SPIDR: variants seen among roughly 807,000 people sequenced by gnomAD.
SPIDR encodes scaffold protein involved in DNA repair.
Under a neutral mutation model 104.6 loss-of-function variants are expected in SPIDR, and 93 were observed. That is an observed-to-expected ratio of 0.89 (90% CI 0.75 to 1.06). The LOEUF is 1.06. Ranked by LOEUF, SPIDR falls within the 50% of genes least tolerant of loss-of-function variation. The pLI, the probability that SPIDR is intolerant of heterozygous loss-of-function variation, is 0.00. For synonymous variants in SPIDR, 431 were observed against 416.9 expected, an observed-to-expected ratio of 1.03 and a Z score of -0.41; for missense variants, 1,154 against 1,111.2, an observed-to-expected ratio of 1.04 and a Z score of -0.55.
chr8:47,428,962 C>A (rs1307243593), intron 7 of SPIDR, among the ~76,000 whole-genome samples: 1 of 152,172 alleles, frequency 6.6e-6, no homozygotes, highest in Non-Finnish European at 1.5e-5. Flanking sequence ...TCTGTTATAT[C>A]CTTACCCACG....
chr8:47,728,129 G>GA lies in SPIDR; in HGVS notation c.2436-794dup, dbSNP rs1008975168. Among the ~76,000 whole-genome samples the GA allele has an allele frequency of 2.6e-4, 36 of 139,710 alleles. No individual in the cohort carries two copies. In the East Asian group the frequency reaches 4.6e-3, roughly 18 times the overall value. 91.7% of individuals were successfully genotyped at this position (139,710 alleles called of 152,430 possible). On this transcript the variant is annotated intron_variant, in intron 17 of 19. Coordinates refer to ENST00000297423, the MANE Select transcript of SPIDR (RefSeq NM_001080394.4). Reference sequence around the variant, plus strand: ...AGACTCTGTCTCAAAAAGAAAAAGAGAAAAAAAAAAGCAAAGATCGGCCAG... The same window carrying GA: ...AGACTCTGTCTCAAAAAGAAAAAGAGAAAAAAAAAAAGCAAAGATCGGCCAG...
At chr8:47,456,811 A>AGGAT (rs1335275945) in intron 8 of SPIDR, among the ~76,000 whole-genome samples, 1 of 151,834 alleles carries the variant, frequency 6.6e-6, no homozygotes, top group Non-Finnish European at 1.5e-5. Context: ...ACGCCTTTGC[A>AGGAT]TCCTCATAGC....
chr8:47,422,232 C>T (rs2065625458), intron 7 of SPIDR, among the ~76,000 whole-genome samples: 1 of 152,206 alleles, frequency 6.6e-6, no homozygotes, highest in Non-Finnish European at 1.5e-5. Flanking sequence ...GCAGGCAGGC[C>T]TCCTTGAGCT....
Position 47,606,017 on chromosome 8 carries a change from C to G in SPIDR, c.1544+6821C>G, listed in dbSNP as rs573298248. Among the ~76,000 whole-genome samples, 11 of 152,260 alleles carry G rather than the reference C, an allele frequency of 7.2e-5. No individual in the cohort carries two copies. The East Asian group carries it at 2.1e-3, about 29-fold the overall frequency. On this transcript the variant is annotated intron_variant, in intron 10 of 19. Transcript: ENST00000297423. ...TCCCCACCTCTACCCCTAGCACTCC[C>G]ATCAACAAGGAGTTGATGCCCATTT...
At chr8:47,542,153 G>A (rs897691118) in intron 8 of SPIDR, among the ~76,000 whole-genome samples, 1 of 150,662 alleles carries the variant, frequency 6.6e-6, no homozygotes, top group African/African-American at 2.5e-5. Flanking sequence ...AAGCAACGTC[G>A]TCTTAACTGT....
At chr8:47,432,085 A>G (rs531653280) in intron 7 of SPIDR, among the ~76,000 whole-genome samples, 26 of 152,218 alleles carry the variant, frequency 1.7e-4, no homozygotes, top group Non-Finnish European at 3.8e-4. Flanking sequence ...CATTAATAAC[A>G]CAATCAATAC....
intron 11 of SPIDR, among the ~76,000 whole-genome samples, chr8:47,679,600 G>C (rs1200362769): frequency 6.6e-6 from 1 of 150,780 alleles, no homozygotes; most frequent in Non-Finnish European, 1.5e-5. Flanking sequence ...ATCCCCTCCA[G>C]TGCTGGCCTG....
chr8:47,598,115 A>G (rs1425995729), intron 9 of SPIDR, among the ~76,000 whole-genome samples: 1 of 152,240 alleles, frequency 6.6e-6, no homozygotes, highest in African/African-American at 2.4e-5. Context: ...AGAGCACATT[A>G]CTGTTTTAAC....
chr8:47,684,747 A>G lies in SPIDR; in HGVS notation c.1685+10806A>G, dbSNP rs1473352868. ...TTTACAAACAAAATGGGTAGAGGAA[A>G]GAAATCAGAAGTAATTTAGAAAAAT... On this transcript the variant is annotated intron_variant, in intron 11 of 19. Transcript: ENST00000297423. Among the ~76,000 whole-genome samples the G allele has an allele frequency of 2.6e-5, 4 of 152,252 alleles. No individual in the cohort carries two copies. The East Asian group carries it at 7.7e-4, about 29-fold the overall frequency.
At chr8:47,293,456 A>AT (rs1173393851) in intron 4 of SPIDR, among the ~76,000 whole-genome samples, 6 of 151,198 alleles carry the variant, frequency 4.0e-5, no homozygotes, top group Admixed American at 2.6e-4. Context: ...CACTGTCTAA[A>AT]TTTTTTTTGA....
At chr8:47,606,112 T>A (rs894970641) in intron 10 of SPIDR, among the ~76,000 whole-genome samples, 4 of 152,190 alleles carry the variant, frequency 2.6e-5, no homozygotes, top group Non-Finnish European at 5.9e-5. Context: ...ATGATGGAGA[T>A]ACGGAAGTTC....
intron 8 of SPIDR, among the ~76,000 whole-genome samples, chr8:47,471,054 A>G (rs1426962851): frequency 4.6e-5 from 7 of 152,208 alleles, no homozygotes; most frequent in African/African-American, 7.2e-5. Context: ...CTTAAGAGCC[A>G]AAACTATAAA....
In SPIDR at chr8:47,425,697, G is replaced by T. The variant is rs558063543; in HGVS notation, c.878-14626G>T. Among the ~76,000 whole-genome samples the T allele has an allele frequency of 6.6e-5, 10 of 152,032 alleles. No individual in the cohort carries two copies. In the East Asian group the frequency reaches 1.9e-3, roughly 29 times the overall value. On this transcript the variant is annotated intron_variant, in intron 7 of 19. Coordinates refer to ENST00000297423, the MANE Select transcript of SPIDR (RefSeq NM_001080394.4). ...TATTATATTTGAAAGATTTCTTTAG[G>T]TTATTATTGAAGTTCAGTAAGAAGC...
rs771033254 is a variant in SPIDR, at chr8:47,710,804, C to T, written c.1978-1858C>T. ...TTAATTTTTTTTTTCTTTGAGAAGGCGGTCTTGTTCTGTCATCCGGGCTGT... is the reference window on the plus strand; with the variant it reads ...TTAATTTTTTTTTTCTTTGAGAAGGTGGTCTTGTTCTGTCATCCGGGCTGT... On this transcript the variant is annotated intron_variant, in intron 14 of 19. Transcript: ENST00000297423. Among the ~76,000 whole-genome samples the T allele has an allele frequency of 8.6e-5, 13 of 151,470 alleles. 1 individual carries two copies. The highest frequency in any genetic ancestry group is 1.6e-4 in the Non-Finnish European group (11 of 67,896).
At chr8:47,550,230 G>C (rs975470201) in intron 8 of SPIDR, among the ~76,000 whole-genome samples, 3 of 152,148 alleles carry the variant, frequency 2.0e-5, no homozygotes, top group African/African-American at 4.8e-5. Context: ...TTTTGCTTAG[G>C]ATTGTCTTTG....
intron 8 of SPIDR, among the ~76,000 whole-genome samples, chr8:47,483,015 C>G (rs1288953899): frequency 6.6e-6 from 1 of 152,200 alleles, no homozygotes; most frequent in Non-Finnish European, 1.5e-5. Flanking sequence ...GCCCCTCTGC[C>G]CCTCCACAGT....
intron 10 of SPIDR, among the ~76,000 whole-genome samples, chr8:47,656,933 A>C (rs2072932954): frequency 6.6e-6 from 1 of 152,254 alleles, no homozygotes; most frequent in Non-Finnish European, 1.5e-5. Flanking sequence ...ATATGAGTCC[A>C]TTTATGTGAA....
At chr8:47,660,459 G>A (rs1424476662) in intron 10 of SPIDR, 27 of 985,232 alleles carry the variant, frequency 2.7e-5, no homozygotes, top group Admixed American at 6.2e-5. Context: ...CACCCTCATG[G>A]CTCAGAAATG....
At chr8:47,685,505 A>ATTTTTTTTTTTTTTTTTTTTTTTTTTTTT (rs201735323) in intron 11 of SPIDR, among the ~76,000 whole-genome samples, 1 of 104,374 alleles carries the variant, frequency 9.6e-6, no homozygotes, top group Non-Finnish European at 2.4e-5. Flanking sequence ...TTATTTATTT[A>ATTTTTTTTTTTTTTTTTTTTTTTTTTTTT]TTTATTTATT....
Sources: gnomAD v4.1 joint callset for allele counts (sites outside exome capture counted in the v4.1 genomes callset) on GRCh38, gnomAD v4.1.1 for gene constraint, MANE v1.5 for transcripts, NCBI Gene and HGNC (gene_info 2026-07-23, HGNC 2026-07-21) for gene names.